ZNF804B: variants seen among roughly 807,000 people sequenced by gnomAD.
ZNF804B encodes zinc finger 804B.
In ZNF804B, 80 loss-of-function variants were observed where a neutral mutation model predicts 101.4. The observed-to-expected ratio is 0.79, with a 90% CI of 0.66 to 0.95. The LOEUF is 0.95. Among genes scored for constraint, ZNF804B ranks in the 40% least tolerant of loss-of-function variants. The pLI is 0.00. For missense variants in ZNF804B, 1,673 were observed against 1,561.9 expected (o/e 1.07, Z -1.20); for synonymous variants, 622 against 558.8 (o/e 1.11, Z -1.59).
rs1184509753 is a variant in ZNF804B at position 88,759,917 on chromosome 7, G to T, written c.-60G>T. On this transcript the variant is annotated 5_prime_UTR_variant, in exon 1 of 4. Coordinates refer to ENST00000333190, the MANE Select transcript of ZNF804B (RefSeq NM_181646.5). Reference sequence around the variant, plus strand: ...GCTGTTGCCGCTGAGAAACCCGCCCGCTTTCCACGGCTGGTCGCCTGGTGA... The same window carrying T: ...GCTGTTGCCGCTGAGAAACCCGCCCTCTTTCCACGGCTGGTCGCCTGGTGA... 2 of 1,485,098 alleles carry T rather than the reference G, an allele frequency of 1.3e-6. No homozygotes were observed. The highest frequency in any genetic ancestry group is 1.9e-6 in the Non-Finnish European group (2 of 1,067,044). The allele number at this position is 1,485,098 out of a possible 1,614,324, so 92.0% of individuals were successfully genotyped here.
intron 2 of ZNF804B, among the ~76,000 whole-genome samples, chr7:89,229,239 G>T (rs1211549805): frequency 6.6e-6 from 1 of 152,224 alleles, no homozygotes; most frequent in Non-Finnish European, 1.5e-5. Context: ...GGCAGAGGAG[G>T]CGCTGAGAGT....
intron 3 of ZNF804B, among the ~76,000 whole-genome samples, chr7:89,331,318 T>C (rs1790978291): frequency 6.6e-6 from 1 of 151,760 alleles, no homozygotes; most frequent in Non-Finnish European, 1.5e-5. Context: ...CAAAGGCCAA[T>C]AATGTTGTAA....
At position 88,845,017 on chromosome 7, in the gene ZNF804B, A is replaced by G. The variant is rs568437584; in HGVS notation, c.108+84933A>G. ...ATCCTTTTCTGTAGGTTTATTTTTA[A>G]AAGAACTTAGTTTCCTCCTTCTTTC... On this transcript the variant is annotated intron_variant, in intron 1 of 3. Transcript: ENST00000333190. Among the ~76,000 whole-genome samples, 5 of 152,298 alleles carry G rather than the reference A, an allele frequency of 3.3e-5. No homozygotes were observed. In the South Asian group the frequency reaches 1.0e-3, roughly 32 times the overall value.
At chr7:88,923,643 G>GTT (rs998853601) in intron 1 of ZNF804B, among the ~76,000 whole-genome samples, 1 of 151,892 alleles carries the variant, frequency 6.6e-6, no homozygotes, top group African/African-American at 2.4e-5. Context: ...TCTCAAATGT[G>GTT]TTTTTCTTTT....
At chr7:88,972,758 C>A (rs913271346) in intron 1 of ZNF804B, among the ~76,000 whole-genome samples, 29 of 150,438 alleles carry the variant, frequency 1.9e-4, no homozygotes, top group East Asian at 1.2e-3. Context: ...AAAAAAAAAA[C>A]CAGAACTCCA....
At chr7:89,243,577 T>G (rs547895318) in intron 2 of ZNF804B, among the ~76,000 whole-genome samples, 1 of 151,988 alleles carries the variant, frequency 6.6e-6, no homozygotes, top group East Asian at 1.9e-4. Flanking sequence ...CTGGTAACCC[T>G]ACCTAGTAGG....
rs745666680 is a variant in ZNF804B at position 88,760,096 on chromosome 7, G to T, written c.108+12G>T. 6.2e-7 allele frequency: 1 copy of T among 1,605,022 alleles called. No homozygotes were observed. The highest frequency in any genetic ancestry group is 2.2e-5 in the East Asian group (1 of 44,826). On this transcript the variant is annotated intron_variant, in intron 1 of 3. Transcript: ENST00000333190. ...GATCTCCCTCTCCGGTAATGTGCGC[G>T]CGCACACACATACATACACAAACGT...
intron 2 of ZNF804B, among the ~76,000 whole-genome samples, chr7:89,246,492 G>A (rs985262247): frequency 1.3e-5 from 2 of 152,070 alleles, no homozygotes; most frequent in African/African-American, 4.8e-5. Flanking sequence ...GGCATTTGAA[G>A]CAGCTACTCA....
At chr7:88,966,783 C>A (rs1331484696) in intron 1 of ZNF804B, among the ~76,000 whole-genome samples, 1 of 151,476 alleles carries the variant, frequency 6.6e-6, no homozygotes, top group African/African-American at 2.4e-5. Context: ...CAAACACACA[C>A]AATACATATA....
chr7:89,228,629 G>T (rs1789133941), intron 2 of ZNF804B, among the ~76,000 whole-genome samples: 1 of 152,146 alleles, frequency 6.6e-6, no homozygotes, highest in Admixed American at 6.5e-5. Context: ...AGTGCTGATT[G>T]GTGTATTTAC....
chr7:88,802,638 G>T (rs1790609039), intron 1 of ZNF804B, among the ~76,000 whole-genome samples: 1 of 151,480 alleles, frequency 6.6e-6, no homozygotes, highest in Non-Finnish European at 1.5e-5. Flanking sequence ...AAAATAATTT[G>T]CCTATATAAT....
chr7:89,198,425 G>A (rs1788586111), intron 1 of ZNF804B, among the ~76,000 whole-genome samples: 1 of 151,812 alleles, frequency 6.6e-6, no homozygotes, highest in African/African-American at 2.4e-5. Context: ...AATAGCGTTT[G>A]TAAGACTACA....
chr7:88,919,373 G>A (rs1792685894), intron 1 of ZNF804B, among the ~76,000 whole-genome samples: 1 of 152,094 alleles, frequency 6.6e-6, no homozygotes, highest in Admixed American at 6.6e-5. Context: ...ATGGAAGTTA[G>A]GTTCAATTGT....
At chr7:88,874,065 T>C (rs571937680) in intron 1 of ZNF804B, among the ~76,000 whole-genome samples, 27 of 152,322 alleles carry the variant, frequency 1.8e-4, no homozygotes, top group African/African-American at 6.3e-4. Context: ...TTGGGCAGTA[T>C]GGCCATTTTC....
chr7:89,235,807 A>G (rs888931439), intron 2 of ZNF804B, among the ~76,000 whole-genome samples: 1 of 152,016 alleles, frequency 6.6e-6, no homozygotes, highest in Non-Finnish European at 1.5e-5. Flanking sequence ...CTGAAATGAA[A>G]TACTCTTATT....
At chr7:88,892,448 A>G (rs1324775059) in intron 1 of ZNF804B, among the ~76,000 whole-genome samples, 5 of 152,048 alleles carry the variant, frequency 3.3e-5, no homozygotes, top group East Asian at 1.9e-4. Flanking sequence ...CTTCTCTCCT[A>G]TGTCTCTGGC....
chr7:89,087,870 A>G (rs1235597324), intron 1 of ZNF804B, among the ~76,000 whole-genome samples: 1 of 151,916 alleles, frequency 6.6e-6, no homozygotes, highest in Non-Finnish European at 1.5e-5. Context: ...CTAAATTACA[A>G]GAGGTTATAC....
rs774478047 is a variant in ZNF804B at position 89,327,356 on chromosome 7, T to C, written c.262T>C (p.Leu88=). 6.2e-7 allele frequency: 1 copy of C among 1,604,350 alleles called. No individual in the cohort carries two copies. The highest frequency in any genetic ancestry group is 8.5e-7 in the Non-Finnish European group (1 of 1,176,718). Residue 88 remains leucine, a synonymous_variant, in exon 3 of 4, where the codon TTA becomes CTA. Transcript: ENST00000333190. ...DHAHKQRLKE[L]KQREFARNVA... ...CTTCTTTTTCAAGAGACTGAAAGAA[T>C]TAAAGCAACGGGAATTTGCTCGAAA... is the stretch of plus-strand genomic sequence containing the variant.
At chr7:88,825,467 G>A (rs907083336) in intron 1 of ZNF804B, among the ~76,000 whole-genome samples, 2 of 152,028 alleles carry the variant, frequency 1.3e-5, no homozygotes, top group South Asian at 2.1e-4. Flanking sequence ...CTCTCAGATT[G>A]CAGCCTGCAT....
Sources: allele counts gnomAD v4.1 joint callset (sites outside exome capture counted in the v4.1 genomes callset), GRCh38; gene constraint gnomAD v4.1.1; transcripts MANE v1.5; gene names NCBI Gene and HGNC (gene_info 2026-07-23, HGNC 2026-07-21).